The following NMT1 variants were observed in gnomAD, a reference collection of about 807,000 sequenced individuals.
The protein encoded by NMT1 is glycylpeptide N-tetradecanoyltransferase 1.
In NMT1, 12 loss-of-function variants were observed where a neutral mutation model predicts 63.4. The ratio of observed to expected loss-of-function variants is 0.19; its 90% confidence interval spans 0.12 to 0.31. The LOEUF is 0.31. Ranked by LOEUF, NMT1 falls within the 10% of genes least tolerant of loss-of-function variation. NMT1 has a pLI of 1.00. For synonymous variants in NMT1, 228 were observed against 234.3 expected (o/e 0.97, Z 0.25); for missense variants, 432 against 634.6 (o/e 0.68, Z 3.43).
chr17:45,105,737 C>A lies in NMT1; in HGVS notation c.*98C>A. ...TCCAATTTTCACACACGTGAGAATC[C>A]CTGGCAAAGGGAGCAGAACTGAACC... On this transcript the variant is annotated 3_prime_UTR_variant, in exon 12 of 12. Coordinates refer to ENST00000258960, the MANE Select transcript of NMT1 (RefSeq NM_021079.5). This position sits in a 1 kb window ranked among gnomAD's most constrained non-coding sequence, Gnocchi z 4.2. The A allele has an allele frequency of 7.8e-7, 1 of 1,278,094 alleles. No homozygotes were observed. The highest frequency in any genetic ancestry group is 1.1e-6 in the Non-Finnish European group (1 of 888,952). 79.2% of individuals were successfully genotyped at this position (1,278,094 alleles called of 1,614,324 possible).
intron 8 of NMT1, among the ~76,000 whole-genome samples, chr17:45,102,091 C>T (rs1377605043): frequency 3.9e-5 from 6 of 152,184 alleles, no homozygotes; most frequent in South Asian, 2.1e-4. Flanking sequence ...GGTCATTGAG[C>T]GTTCCCCTAA....
chr17:45,077,154 T>C (rs1396080469), intron 1 of NMT1, among the ~76,000 whole-genome samples: 1 of 152,176 alleles, frequency 6.6e-6, no homozygotes, highest in Non-Finnish European at 1.5e-5. Context: ...ATCCAGTTGG[T>C]TAATCTACAG....
rs1208172158 is a variant in NMT1, at chr17:45,081,498, C to G, written c.132-146C>G. The stretch of plus-strand genomic sequence containing the variant: ...AGGAGTGCTGGTGTCCTCCAAATGC[C>G]CTTTCTGGACCTGGGTTCTTCAGCC... On this transcript the variant is annotated intron_variant, in intron 1 of 11. Coordinates refer to ENST00000258960, the MANE Select transcript of NMT1 (RefSeq NM_021079.5). 8 of 707,270 alleles carry G rather than the reference C, an allele frequency of 1.1e-5. No individual in the cohort carries two copies. The Admixed American group carries it at 1.7e-4, about 15-fold the overall frequency. The allele number at this position is 707,270 out of a possible 1,614,324, so 43.8% of individuals were successfully genotyped here.
chr17:45,095,549 C>T (rs1306363367), intron 4 of NMT1, among the ~76,000 whole-genome samples: 1 of 151,996 alleles, frequency 6.6e-6, no homozygotes, highest in African/African-American at 2.4e-5. Context: ...TCGATTGAGC[C>T]CAGGAGTTCA....
intron 1 of NMT1, among the ~76,000 whole-genome samples, chr17:45,070,794 T>C (rs1023629984): frequency 3.3e-5 from 5 of 152,110 alleles, no homozygotes; most frequent in Admixed American, 6.5e-5. Context: ...TTAGGTGATC[T>C]GCCCGCCTTG....
rs1217722183 is a variant in NMT1 at position 45,081,421 on chromosome 17, A to G, written c.132-223A>G. ...GAAAAGGCCCTTTCACACAAATAGG[A>G]CATCCCTTGCCCAGCACTCCCTCCC... On this transcript the variant is annotated intron_variant, in intron 1 of 11. Transcript: ENST00000258960. Among the ~76,000 whole-genome samples, 4 of 152,210 alleles carry G rather than the reference A, an allele frequency of 2.6e-5. No homozygotes were observed. The East Asian group carries it at 7.7e-4, about 29-fold the overall frequency.
At position 45,093,796 on chromosome 17, in the gene NMT1, G is replaced by A. The variant is rs748432196; in HGVS notation, c.497G>A (p.Arg166His). The change falls in exon 4 of 12, where the codon CGT becomes CAT. Residue 166 changes from arginine to histidine, a missense_variant. Physicochemically the swap from Arg to His is conservative, Grantham distance 29 (BLOSUM62 0). This residue lies in a region of NMT1 where 295 missense variants were observed against 489.7 expected (regional missense o/e 0.60). Transcript: ENST00000258960. ...FTWDALDLGDRGVLKELYTLL... is the reference protein window; with the variant it reads ...FTWDALDLGDHGVLKELYTLL... ...TGGGATGCTTTGGACCTGGGCGATC[G>A]TGGTGTGGTGAGTGGGCCCTCAGAA... 5 of 1,613,848 alleles carry A rather than the reference G, an allele frequency of 3.1e-6. No homozygotes were observed. Among genetic ancestry groups the A allele is most frequent in the Non-Finnish European group, 4.2e-6 (5 of 1,179,704 alleles).
chr17:45,065,602 C>T (rs914532559), intron 1 of NMT1, among the ~76,000 whole-genome samples: 9 of 126,662 alleles, frequency 7.1e-5, no homozygotes, highest in African/African-American at 2.4e-4. Flanking sequence ...CCAGCCTGGG[C>T]GACAGAGCCA....
chr17:45,104,245 A>G lies in NMT1; in HGVS notation c.1332+369A>G, dbSNP rs181580447. On this transcript the variant is annotated intron_variant, in intron 10 of 11. Transcript: ENST00000258960. This position sits in a 1 kb window ranked among gnomAD's most constrained non-coding sequence, Gnocchi z 4.2. Reference sequence around the variant, plus strand: ...TCGTGGTGAGTCATTGGAGCATCCAACTGCCAGTAGCGGATGGCGAGCCCG... The same window carrying G: ...TCGTGGTGAGTCATTGGAGCATCCAGCTGCCAGTAGCGGATGGCGAGCCCG... 4 of 1,201,044 alleles carry G rather than the reference A, an allele frequency of 3.3e-6. No homozygotes were observed. The African/African-American group carries it at 4.7e-5, about 14-fold the overall frequency. 74.4% of individuals were successfully genotyped at this position (1,201,044 alleles called of 1,614,324 possible). A position where few individuals can be genotyped will look rare whatever the true frequency, so the allele number is the denominator to read the frequency against.
chr17:45,073,479 A>AAAGCAATATATTATTATATATT (rs1438788731), intron 1 of NMT1, among the ~76,000 whole-genome samples: 19 of 152,280 alleles, frequency 1.2e-4, no homozygotes, highest in African/African-American at 4.6e-4. Flanking sequence ...GGAAGCCAAG[A>AAAGCAATATATTATTATATATT]AAGCAATATA....
At chr17:45,075,246 G>A (rs887544909) in intron 1 of NMT1, among the ~76,000 whole-genome samples, 17 of 152,146 alleles carry the variant, frequency 1.1e-4, no homozygotes, top group African/African-American at 3.9e-4. Flanking sequence ...CATGTTGGGA[G>A]GCTGAGGTGA....
intron 3 of NMT1, among the ~76,000 whole-genome samples, chr17:45,090,104 A>G (rs951535684): frequency 6.6e-6 from 1 of 152,016 alleles, no homozygotes; most frequent in Non-Finnish European, 1.5e-5. Flanking sequence ...ACAACAGGGA[A>G]AGACCTCGTC....
intron 1 of NMT1, among the ~76,000 whole-genome samples, chr17:45,063,974 C>T (rs6503413): frequency 0.51 from 77,117 of 151,784 alleles, 20,019 homozygotes; most frequent in Middle Eastern, 0.59. Flanking sequence ...ATCACGAGGT[C>T]AAGAGATTGA....
At position 45,107,181 on chromosome 17, in the gene NMT1, C is replaced by G. The variant is rs1427254414; in HGVS notation, c.*1542C>G. ...ACCGAAGCCACTTTCTACAGGCCAG[C>G]AGGGGCTTGTTGCAGGCTGTGGGTT... On this transcript the variant is annotated 3_prime_UTR_variant, in exon 12 of 12. Coordinates refer to ENST00000258960, the MANE Select transcript of NMT1 (RefSeq NM_021079.5). 1 of 152,270 alleles carries G rather than the reference C, an allele frequency of 6.6e-6. No individual in the cohort carries two copies. Among genetic ancestry groups the G allele is most frequent in the African/African-American group, 2.4e-5 (1 of 41,458 alleles). 9.4% of individuals were successfully genotyped at this position (152,270 alleles called of 1,614,324 possible).
At position 45,105,696 on chromosome 17, in the gene NMT1, A is replaced by AC. The variant is rs1275487350; in HGVS notation, c.*61dup. 31 of 1,545,014 alleles carry AC rather than the reference A, an allele frequency of 2.0e-5. No homozygotes were observed. Among genetic ancestry groups the AC allele is most frequent in the Middle Eastern group, 1.8e-4 (1 of 5,464 alleles). ...CTGAAAATTCGAACCAGGAAATGGA[A>AC]CCCCACCACTGTTGGTCCAATTTTC... On this transcript the variant is annotated 3_prime_UTR_variant, in exon 12 of 12. Transcript: ENST00000258960. The surrounding 1 kb of genome is among the most constrained non-coding windows in gnomAD (Gnocchi z 4.2).
At chr17:45,095,038 C>T (rs1189348455) in intron 4 of NMT1, among the ~76,000 whole-genome samples, 1 of 149,860 alleles carries the variant, frequency 6.7e-6, no homozygotes, top group Non-Finnish European at 1.5e-5. Context: ...GTCTCGAACT[C>T]CTGACCTCAT....
chr17:45,075,753 A>T (rs2053973450), intron 1 of NMT1, among the ~76,000 whole-genome samples: 1 of 152,080 alleles, frequency 6.6e-6, no homozygotes, highest in African/African-American at 2.4e-5. Context: ...CTGGCAACAG[A>T]GCAAGACTCC....
At chr17:45,102,647 C>T (rs1253724235) in intron 8 of NMT1, among the ~76,000 whole-genome samples, 1 of 152,204 alleles carries the variant, frequency 6.6e-6, no homozygotes, top group Non-Finnish European at 1.5e-5. Context: ...GGTAGAAATT[C>T]TTGTCTTCTG....
chr17:45,099,303 T>A, intron 7 of NMT1, 102 bp from the exon 8 acceptor site: 1 of 785,484 alleles, frequency 1.3e-6, no homozygotes, highest in East Asian at 2.5e-5. Flanking sequence ...GCACCTGATG[T>A]GTCTCTCACG....
Sources: gnomAD v4.1 joint callset for allele counts (sites outside exome capture counted in the v4.1 genomes callset) on GRCh38, gnomAD v4.1.1 for gene constraint, gnomAD v4.1.1 regional missense constraint, Gnocchi (gnomAD v3.1) non-coding constraint, MANE v1.5 for transcripts, NCBI Gene and HGNC (gene_info 2026-07-23, HGNC 2026-07-21) for gene names.